The following TIAM1 variants were observed in gnomAD, a reference collection of about 807,000 sequenced individuals.
TIAM1 encodes TIAM Rac1 associated GEF 1, also known as rho guanine nucleotide exchange factor TIAM1.
Under a neutral mutation model 163.5 loss-of-function variants are expected in TIAM1, and 65 were observed. That is an observed-to-expected ratio of 0.40 (90% CI 0.33 to 0.49). The LOEUF is 0.49. TIAM1 is among the 20% of genes least tolerant of loss of function. The pLI is 0.77. For missense variants in TIAM1, 1,789 were observed against 2,044.7 expected, an observed-to-expected ratio of 0.87 and a Z score of 2.41; for synonymous variants, 833 against 810.1, an observed-to-expected ratio of 1.03 and a Z score of -0.48.
chr21:31,210,179 G>C lies in TIAM1; in HGVS notation c.2254C>G (p.His752Asp). 6.2e-7 allele frequency: 1 copy of C among 1,614,116 alleles called. No homozygotes were observed. Among genetic ancestry groups the C allele is most frequent in the Non-Finnish European group, 8.5e-7 (1 of 1,180,034 alleles). Residue 752 changes from histidine to aspartate, a missense_variant, in exon 11 of 28, where the codon CAC becomes GAC. Physicochemically the swap from His to Asp is moderately conservative, Grantham distance 81. Around this residue, in one of 5 missense-constraint regions of TIAM1, gnomAD observed 456 missense variants for 586.6 expected, o/e 0.78. Transcript: ENST00000541036. ...ACCCAAATGTCGCAGTCAGGGTTGT[G>C]CTGGTGAACGTTAGGTAAGACCACT... ...KEVVLPNVHQ[H>D]NPDCDIWVHE...
chr21:31,537,956 A>C (rs1324783475), intron 1 of TIAM1, among the ~76,000 whole-genome samples: 1 of 152,236 alleles, frequency 6.6e-6, no homozygotes, highest in Non-Finnish European at 1.5e-5. Flanking sequence ...CAAATGGATG[A>C]ATCTCACAAA....
chr21:31,383,046 C>G (rs1248925198), intron 2 of TIAM1, among the ~76,000 whole-genome samples: 1 of 152,078 alleles, frequency 6.6e-6, no homozygotes, highest in Non-Finnish European at 1.5e-5. Flanking sequence ...TCAAGACCAA[C>G]CTGGCCAACA....
chr21:31,321,488 G>A (rs1005183782), intron 2 of TIAM1, among the ~76,000 whole-genome samples: 3 of 151,988 alleles, frequency 2.0e-5, no homozygotes, highest in Non-Finnish European at 4.4e-5. Flanking sequence ...GGGTAGCTGG[G>A]ATTATAGGCA....
At chr21:31,365,638 G>A (rs1224846978) in intron 2 of TIAM1, among the ~76,000 whole-genome samples, 4 of 151,644 alleles carry the variant, frequency 2.6e-5, no homozygotes, top group Non-Finnish European at 5.9e-5. Context: ...TGATCCACCT[G>A]CCTCGGCCTC....
chr21:31,298,788 A>G (rs845935), intron 2 of TIAM1, among the ~76,000 whole-genome samples: 25 of 118,244 alleles, frequency 2.1e-4, no homozygotes, highest in African/African-American at 4.9e-4. Flanking sequence ...GAGAGAGAGA[A>G]AAAAAAACAA....
chr21:31,143,838 T>C (rs1243527831), intron 20 of TIAM1, among the ~76,000 whole-genome samples: 1 of 152,058 alleles, frequency 6.6e-6, no homozygotes, highest in South Asian at 2.1e-4. Context: ...GCAATTGTCC[T>C]GCCTCAGCCT....
intron 15 of TIAM1, among the ~76,000 whole-genome samples, chr21:31,173,523 A>T (rs2084617756): frequency 7.2e-6 from 1 of 139,826 alleles, no homozygotes; most frequent in Non-Finnish European, 1.5e-5. Context: ...AGAAAGAGAG[A>T]GCGAGAGAAA....
At chr21:31,313,300 G>A (rs2074997389) in intron 2 of TIAM1, among the ~76,000 whole-genome samples, 1 of 152,156 alleles carries the variant, frequency 6.6e-6, no homozygotes, top group Non-Finnish European at 1.5e-5. Context: ...AGGGGGATGG[G>A]GGTGAGGAGG....
intron 6 of TIAM1, among the ~76,000 whole-genome samples, chr21:31,239,900 A>C (rs1354932477): frequency 6.6e-6 from 1 of 152,222 alleles, no homozygotes; most frequent in East Asian, 1.9e-4. Context: ...AAATTACATT[A>C]ATCATTTTGA....
chr21:31,256,782 A>G (rs2146771009), intron 4 of TIAM1, among the ~76,000 whole-genome samples: 1 of 152,312 alleles, frequency 6.6e-6, no homozygotes, highest in South Asian at 2.1e-4. Context: ...AGAGCAACAC[A>G]TCTACTTTGT....
chr21:31,401,912 TA>T (rs113662353), intron 2 of TIAM1, among the ~76,000 whole-genome samples: 10,737 of 136,726 alleles, frequency 0.079, 390 homozygotes, highest in Middle Eastern at 0.14. Context: ...CTCTATCTCT[TA>T]AAAAAAAAAA....
intron 1 of TIAM1, among the ~76,000 whole-genome samples, chr21:31,495,417 G>A (rs1255937734): frequency 6.6e-6 from 1 of 152,154 alleles, no homozygotes; most frequent in East Asian, 1.9e-4. Context: ...CCTGGCAGAA[G>A]GTGGAATGGC....
At chr21:31,424,000 G>T (rs1041159123) in intron 2 of TIAM1, among the ~76,000 whole-genome samples, 1 of 152,092 alleles carries the variant, frequency 6.6e-6, no homozygotes, top group African/African-American at 2.4e-5. Flanking sequence ...CACTTTACGT[G>T]CATGAATTGC....
intron 15 of TIAM1, among the ~76,000 whole-genome samples, chr21:31,174,829 A>G (rs1234583328): frequency 6.6e-6 from 1 of 152,080 alleles, no homozygotes; most frequent in Non-Finnish European, 1.5e-5. Context: ...GTGTACTTTT[A>G]GTAGAGACAG....
At position 31,144,172 on chromosome 21, in the gene TIAM1, T is replaced by G. The variant is rs577119921; in HGVS notation, c.3476-2668A>C. Reference sequence around the variant, plus strand: ...CTTGTCTTTCCAAAGCACAAAATCCTGAAGAGAAAGGACACTGGGAAGAGT... The same window carrying G: ...CTTGTCTTTCCAAAGCACAAAATCCGGAAGAGAAAGGACACTGGGAAGAGT... On this transcript the variant is annotated intron_variant, in intron 20 of 27. Coordinates refer to ENST00000541036, the MANE Select transcript of TIAM1 (RefSeq NM_001353694.2). 5.4e-4 allele frequency among the ~76,000 whole-genome samples: 83 copies of G among 152,296 alleles called. 2 individuals carry two copies. In the South Asian group the frequency reaches 0.016, roughly 29 times the overall value.
chr21:31,439,987 G>A (rs959174052), intron 2 of TIAM1, among the ~76,000 whole-genome samples: 8 of 152,240 alleles, frequency 5.3e-5, no homozygotes, highest in East Asian at 1.9e-4. Flanking sequence ...CTTGATCACC[G>A]GCAATGTAAC....
Position 31,352,702 on chromosome 21 carries a change from G to GATAA in TIAM1, c.-368-13284_-368-13281dup, listed in dbSNP as rs1382281030. ...CCTCATCTCTACTTAAAAATAAATA[G>GATAA]ATAAATAAATAAATAAATAAATATT... On this transcript the variant is annotated intron_variant, in intron 2 of 28. Coordinates refer to the TIAM1 transcript ENST00000286827. Among the ~76,000 whole-genome samples the GATAA allele has an allele frequency of 5.5e-3, 829 of 151,120 alleles. 6 individuals are homozygous for GATAA. The highest frequency in any genetic ancestry group is 0.018 in the African/African-American group (732 of 41,236).
intron 2 of TIAM1, among the ~76,000 whole-genome samples, chr21:31,357,528 A>G (rs1451893906): frequency 6.6e-6 from 1 of 152,000 alleles, no homozygotes; most frequent in East Asian, 1.9e-4. Context: ...ATGAGGTCCA[A>G]TCTCCACCCC....
At chr21:31,211,263 T>G (rs2086875177) in intron 10 of TIAM1, among the ~76,000 whole-genome samples, 1 of 152,186 alleles carries the variant, frequency 6.6e-6, no homozygotes, top group Admixed American at 6.5e-5. Context: ...GCTAAGCAGA[T>G]GAAGCAGAGG....
Sources: allele counts gnomAD v4.1 joint callset (sites outside exome capture counted in the v4.1 genomes callset), GRCh38; gene constraint gnomAD v4.1.1; regional missense constraint gnomAD v4.1.1; transcripts MANE v1.5; gene names NCBI Gene and HGNC (gene_info 2026-07-23, HGNC 2026-07-21).